The following ARHGAP8 variants were observed in gnomAD, a reference collection of about 807,000 sequenced individuals.
ARHGAP8 encodes Rho GTPase activating protein 8, also known as rho GTPase-activating protein 8.
In ARHGAP8, 62 loss-of-function variants were observed where a neutral mutation model predicts 46.1. That is an observed-to-expected ratio of 1.34 (90% CI 1.10 to 1.66). The LOEUF is 1.66. Ranked by LOEUF, ARHGAP8 falls within the 40% of genes most tolerant of loss-of-function variation. ARHGAP8 has a pLI of 0.00. For synonymous variants in ARHGAP8, 375 were observed against 243.1 expected (o/e 1.54, Z -5.05); for missense variants, 923 against 568.4 (o/e 1.62, Z -6.34).
intron 10 of ARHGAP8, among the ~76,000 whole-genome samples, chr22:44,855,112 C>A (rs2070189987): frequency 6.6e-6 from 1 of 152,110 alleles, no homozygotes. Flanking sequence ...GAATAGAACT[C>A]CTTTAAGGGA....
At chr22:44,767,457 C>A (rs1602146923) in intron 1 of ARHGAP8, among the ~76,000 whole-genome samples, 2 of 152,108 alleles carry the variant, frequency 1.3e-5, no homozygotes, top group African/African-American at 2.4e-5. Context: ...TAGCCTGATA[C>A]CATTATCACA....
intron 1 of ARHGAP8, among the ~76,000 whole-genome samples, chr22:44,766,410 G>C (rs1925568327): frequency 6.6e-6 from 1 of 152,062 alleles, no homozygotes. Flanking sequence ...GCACGTGTGT[G>C]TGTGCATGTC....
At chr22:44,778,069 G>T (rs1220829588) in intron 1 of ARHGAP8, among the ~76,000 whole-genome samples, 1 of 151,522 alleles carries the variant, frequency 6.6e-6, no homozygotes, top group Non-Finnish European at 1.5e-5. Context: ...GGGAACAGGT[G>T]GTGTGGCTAC....
At chr22:44,860,993 A>T (rs1028351016) in intron 11 of ARHGAP8, among the ~76,000 whole-genome samples, 2 of 126,368 alleles carry the variant, frequency 1.6e-5, no homozygotes, top group Admixed American at 7.9e-5. Flanking sequence ...CCCAAAACTA[A>T]ACTCTCCTAA....
In ARHGAP8 at chr22:44,856,941, ATTC is replaced by A. The variant is rs1461921168; in HGVS notation, c.878-2787_878-2785del. Among the ~76,000 whole-genome samples, 6 of 138,550 alleles carry A rather than the reference ATTC, an allele frequency of 4.3e-5. 1 individual carries two copies. The allele number at this position is 138,550 out of a possible 152,430, so 90.9% of individuals were successfully genotyped here. A position where few individuals can be genotyped will look rare whatever the true frequency, so the allele number is the denominator to read the frequency against. ...ATCTGGGAGGCTGACTTGAGTAAGA[ATTC>A]TTTTTTTTTTTTTGAGACGGAGTTT... On this transcript the variant is annotated intron_variant, in intron 10 of 11. Coordinates refer to ENST00000356099, the MANE Select transcript of ARHGAP8 (RefSeq NM_181335.3).
At chr22:44,805,238 G>C (rs192999460) in intron 3 of ARHGAP8, among the ~76,000 whole-genome samples, 4 of 152,362 alleles carry the variant, frequency 2.6e-5, no homozygotes, top group African/African-American at 9.6e-5. Flanking sequence ...ACGATTTGCT[G>C]TTCTTATAAA....
Position 44,858,746 on chromosome 22 carries a change from G to A in ARHGAP8, c.878-985G>A, listed in dbSNP as rs533759451. On this transcript the variant is annotated intron_variant, in intron 10 of 11. Transcript: ENST00000356099. The stretch of plus-strand genomic sequence containing the variant: ...TTATAAGGGTAACTGGGGGGTCTCA[G>A]AGTGGGGGCCAGTTGCATCAGGCCC... Among the ~76,000 whole-genome samples the A allele has an allele frequency of 3.8e-5, 5 of 131,984 alleles. No individual in the cohort carries two copies. The East Asian group carries it at 8.5e-4, about 22-fold the overall frequency. The allele number at this position is 131,984 out of a possible 152,430, so 86.6% of individuals were successfully genotyped here. A position where few individuals can be genotyped will look rare whatever the true frequency, so the allele number is the denominator to read the frequency against.
intron 1 of ARHGAP8, among the ~76,000 whole-genome samples, chr22:44,775,060 G>A (rs1044346968): frequency 6.6e-6 from 1 of 152,204 alleles, no homozygotes; most frequent in Non-Finnish European, 1.5e-5. Flanking sequence ...TCGAACTCCT[G>A]ACTTCAGTTG....
intron 7 of ARHGAP8, among the ~76,000 whole-genome samples, chr22:44,826,182 C>T (rs1196525621): frequency 2.0e-5 from 3 of 152,046 alleles, no homozygotes; most frequent in Non-Finnish European, 4.4e-5. Flanking sequence ...GATGTATAGG[C>T]CTGGGTCCGG....
intron 6 of ARHGAP8, 89 bp from the exon 7 acceptor site, chr22:44,825,394 T>C (rs2147122355): frequency 1.4e-6 from 2 of 1,420,758 alleles, no homozygotes; most frequent in Non-Finnish European, 1.9e-6. Context: ...CCAGGTGTCC[T>C]GCAGGTGGGG....
rs1056023739 is a variant in ARHGAP8 at position 44,860,352 on chromosome 22, G to A, written c.981+518G>A. The stretch of plus-strand genomic sequence containing the variant: ...GTGGCGGGCTGTGCTCCTTCCAGAG[G>A]CTCTAGGGAAGGTTCCCCTTCCTGG... On this transcript the variant is annotated intron_variant, in intron 11 of 11. Transcript: ENST00000356099. 1.5e-4 allele frequency among the ~76,000 whole-genome samples: 23 copies of A among 152,238 alleles called. No individual in the cohort carries two copies. In the East Asian group the frequency reaches 3.3e-3, roughly 22 times the overall value.
At chr22:44,859,533 C>G (rs2070360213) in intron 10 of ARHGAP8, 198 bp from the exon 11 acceptor site, 1 of 604,578 alleles carries the variant, frequency 1.7e-6, no homozygotes, top group African/African-American at 1.9e-5. Context: ...ATAACCCCAT[C>G]TCAGCAAGAA....
chr22:44,787,016 T>C (rs1345020406), intron 2 of ARHGAP8, among the ~76,000 whole-genome samples: 1 of 130,286 alleles, frequency 7.7e-6, no homozygotes, highest in East Asian at 2.2e-4. Context: ...GACAGAGTGG[T>C]GAGACCCTGT....
At chr22:44,811,243 C>T (rs1929312053) in intron 4 of ARHGAP8, among the ~76,000 whole-genome samples, 2 of 152,230 alleles carry the variant, frequency 1.3e-5, no homozygotes. Flanking sequence ...TGGATGAAAT[C>T]TAGCCGGGGA....
chr22:44,862,163 G>A (rs990522013), intron 11 of ARHGAP8, 112 bp from the exon 12 acceptor site: 1 of 1,331,746 alleles, frequency 7.5e-7, no homozygotes, highest in African/African-American at 1.5e-5. Flanking sequence ...CCGGCTCCCA[G>A]TCCAGTGCTC....
At chr22:44,814,575 T>G in intron 4 of ARHGAP8, 97 bp from the exon 5 acceptor site, 1 of 1,007,944 alleles carries the variant, frequency 9.9e-7, no homozygotes, top group Non-Finnish European at 1.5e-6. Context: ...AGTAACATTC[T>G]GAGACTCACA....
chr22:44,809,249 C>T (rs762809686), intron 4 of ARHGAP8: 3 of 446,468 alleles, frequency 6.7e-6, no homozygotes. Flanking sequence ...AATTTCATGT[C>T]ATTTTCACGT....
chr22:44,858,068 G>T (rs1350873245), intron 10 of ARHGAP8, among the ~76,000 whole-genome samples: 1 of 152,228 alleles, frequency 6.6e-6, no homozygotes, highest in Non-Finnish European at 1.5e-5. Context: ...CATTTCAAGG[G>T]AATTCCTTGT....
chr22:44,787,133 C>T (rs977022440), intron 2 of ARHGAP8, among the ~76,000 whole-genome samples: 1 of 152,018 alleles, frequency 6.6e-6, no homozygotes, highest in African/African-American at 2.4e-5. Flanking sequence ...AAGCATTGCC[C>T]AGGTGCTCCG....
Sources: allele counts gnomAD v4.1 joint callset (sites outside exome capture counted in the v4.1 genomes callset), GRCh38; gene constraint gnomAD v4.1.1; transcripts MANE v1.5; gene names NCBI Gene and HGNC (gene_info 2026-07-23, HGNC 2026-07-21).